The following ADARB2 variants were observed in gnomAD, a reference collection of about 807,000 sequenced individuals.
ADARB2 encodes adenosine deaminase RNA specific B2 (inactive).
ADARB2 carries 25 observed loss-of-function variants against 62.2 expected under a neutral mutation model. The ratio of observed to expected loss-of-function variants is 0.40; its 90% confidence interval spans 0.29 to 0.56. The LOEUF (loss-of-function observed/expected upper bound fraction) is 0.56, where lower values mean the gene tolerates loss of function less well. Ranked by LOEUF, ADARB2 falls within the 20% of genes least tolerant of loss-of-function variation. ADARB2 has a pLI of 0.43. For synonymous variants in ADARB2, 572 were observed against 500.8 expected (o/e 1.14, Z -1.90); for missense variants, 1,071 against 1,077.4 (o/e 0.99, Z 0.08).
intron 4 of ADARB2, among the ~76,000 whole-genome samples, chr10:1,269,563 A>G (rs1824167234): frequency 6.6e-6 from 1 of 152,212 alleles, no homozygotes; most frequent in Non-Finnish European, 1.5e-5. Flanking sequence ...TCCCCATTTT[A>G]AAGGTGAGAG....
chr10:1,274,833 A>G (rs1436984375), intron 3 of ADARB2, among the ~76,000 whole-genome samples: 1 of 152,220 alleles, frequency 6.6e-6, no homozygotes, highest in Non-Finnish European at 1.5e-5. Flanking sequence ...TGACCCTTGC[A>G]CTGAACTGGT....
At chr10:1,651,335 C>T (rs1397308317) in intron 1 of ADARB2, among the ~76,000 whole-genome samples, 1 of 152,270 alleles carries the variant, frequency 6.6e-6, no homozygotes, top group African/African-American at 2.4e-5. Context: ...GCAAGGTCTC[C>T]AAGGTTGGCC....
chr10:1,451,167 TC>T (rs144799709), intron 1 of ADARB2, among the ~76,000 whole-genome samples: 12,456 of 152,246 alleles, frequency 0.082, 648 homozygotes, highest in South Asian at 0.17. Context: ...AGGAAATAGT[TC>T]ATCAAAAAAC....
intron 6 of ADARB2, among the ~76,000 whole-genome samples, chr10:1,230,352 A>G (rs1212452015): frequency 6.6e-6 from 1 of 152,154 alleles, no homozygotes; most frequent in Non-Finnish European, 1.5e-5. Flanking sequence ...TGCAAACTGG[A>G]TGTGTCCAGC....
At chr10:1,542,695 G>A (rs539658189) in intron 1 of ADARB2, among the ~76,000 whole-genome samples, 22 of 17,762 alleles carry the variant, frequency 1.2e-3, no homozygotes, top group Middle Eastern at 0.042. Context: ...GACGCAGTTC[G>A]GACCCTGGAT....
At chr10:1,494,107 G>A (rs1348822277) in intron 1 of ADARB2, among the ~76,000 whole-genome samples, 1 of 152,112 alleles carries the variant, frequency 6.6e-6, no homozygotes, top group Non-Finnish European at 1.5e-5. Flanking sequence ...AGACCAGAAT[G>A]ATCCATTTGC....
intron 1 of ADARB2, among the ~76,000 whole-genome samples, chr10:1,638,661 A>G (rs900617651): frequency 1.3e-5 from 2 of 152,192 alleles, no homozygotes; most frequent in African/African-American, 4.8e-5. Context: ...TTTTATCACC[A>G]TCATTTTCCA....
intron 1 of ADARB2, among the ~76,000 whole-genome samples, chr10:1,594,755 C>G (rs951369968): frequency 2.6e-5 from 4 of 152,222 alleles, no homozygotes; most frequent in Non-Finnish European, 5.9e-5. Flanking sequence ...GCTTAAAGAG[C>G]CTCCAGTTTT....
chr10:1,206,389 A>G (rs989071332), intron 7 of ADARB2, among the ~76,000 whole-genome samples: 1 of 147,026 alleles, frequency 6.8e-6, no homozygotes, highest in Admixed American at 6.8e-5. Flanking sequence ...TTGAACTGGG[A>G]CGTCTCCTCC....
At chr10:1,203,999 C>T (rs375611040) in intron 7 of ADARB2, among the ~76,000 whole-genome samples, 5 of 152,164 alleles carry the variant, frequency 3.3e-5, no homozygotes, top group Admixed American at 6.5e-5. Flanking sequence ...CGAGAACCAC[C>T]GTCTCCGTGT....
chr10:1,303,354 G>A (rs978901311), intron 3 of ADARB2, among the ~76,000 whole-genome samples: 1 of 151,802 alleles, frequency 6.6e-6, no homozygotes, highest in Non-Finnish European at 1.5e-5. Flanking sequence ...AATGAGCAAA[G>A]CCTCCAAGAA....
At chr10:1,606,077 T>C (rs575728062) in intron 1 of ADARB2, among the ~76,000 whole-genome samples, 1 of 152,334 alleles carries the variant, frequency 6.6e-6, no homozygotes, top group East Asian at 1.9e-4. Context: ...ACGTGAAAAT[T>C]ACACGCAATT....
At chr10:1,187,593 G>A (rs1836778228) in intron 8 of ADARB2, among the ~76,000 whole-genome samples, 2 of 152,256 alleles carry the variant, frequency 1.3e-5, no homozygotes, top group Admixed American at 6.5e-5. Context: ...TCTTTGCGGA[G>A]GACGTTGTGG....
chr10:1,549,220 C>T (rs1252065271), intron 1 of ADARB2, among the ~76,000 whole-genome samples: 1 of 151,504 alleles, frequency 6.6e-6, no homozygotes, highest in Non-Finnish European at 1.5e-5. Context: ...TGGGGGGGTC[C>T]CCTCCTCTCA....
intron 1 of ADARB2, among the ~76,000 whole-genome samples, chr10:1,491,778 G>T (rs1178956229): frequency 6.6e-6 from 1 of 152,156 alleles, no homozygotes; most frequent in Admixed American, 6.6e-5. Flanking sequence ...AAAAGAAAAA[G>T]AAATCAGAGT....
chr10:1,186,814 C>G (rs535105864), intron 8 of ADARB2, among the ~76,000 whole-genome samples: 1 of 152,244 alleles, frequency 6.6e-6, no homozygotes, highest in South Asian at 2.1e-4. Flanking sequence ...AGAGCAAAGA[C>G]CTGGTGGGCT....
intron 4 of ADARB2, among the ~76,000 whole-genome samples, chr10:1,270,141 G>C (rs1467173368): frequency 1.3e-5 from 2 of 152,112 alleles, no homozygotes; most frequent in Non-Finnish European, 2.9e-5. Context: ...AGATTGGAGA[G>C]GACCCTGCTG....
intron 1 of ADARB2, among the ~76,000 whole-genome samples, chr10:1,729,342 G>A (rs1251783536): frequency 6.6e-6 from 1 of 152,042 alleles, no homozygotes; most frequent in African/African-American, 2.4e-5. Flanking sequence ...TTACATTTCT[G>A]TCCTCAGTCC....
chr10:1,345,925 A>G (rs558332382), intron 3 of ADARB2, among the ~76,000 whole-genome samples: 48 of 152,290 alleles, frequency 3.2e-4, no homozygotes, highest in African/African-American at 1.1e-3. Flanking sequence ...CCATTTTACT[A>G]AACACTTTTC....
Sources: allele counts gnomAD v4.1 joint callset (sites outside exome capture counted in the v4.1 genomes callset), GRCh38; gene constraint gnomAD v4.1.1; transcripts MANE v1.5; gene names NCBI Gene and HGNC (gene_info 2026-07-23, HGNC 2026-07-21).